The following ELAPOR1 variants were observed in gnomAD, a reference collection of about 807,000 sequenced individuals.
The protein encoded by ELAPOR1 is endosome-lysosome associated apoptosis and autophagy regulator 1, also known as endosome/lysosome-associated apoptosis and autophagy regulator 1.
In ELAPOR1, 77 loss-of-function variants were observed where a neutral mutation model predicts 119.7. The observed-to-expected ratio is 0.64, with a 90% confidence interval of 0.54 to 0.78. ELAPOR1 has a LOEUF of 0.78. Among genes scored for constraint, ELAPOR1 ranks in the 30% least tolerant of loss-of-function variants. The pLI is 0.00. For synonymous variants in ELAPOR1, 481 were observed against 487.2 expected, an observed-to-expected ratio of 0.99 and a Z score of 0.17; for missense variants, 1,115 against 1,270.4, an observed-to-expected ratio of 0.88 and a Z score of 1.86.
chr1:109,120,304 C>T (rs574573446), intron 1 of ELAPOR1, among the ~76,000 whole-genome samples: 17 of 151,950 alleles, frequency 1.1e-4, no homozygotes, highest in Non-Finnish European at 1.6e-4. Flanking sequence ...GGCTGAGACA[C>T]GAGAATTGCT....
At position 109,188,329 on chromosome 1, in the gene ELAPOR1, A is replaced by T. The variant is rs554368651; in HGVS notation, c.1194A>T (p.Pro398=). The T allele has an allele frequency of 3.7e-6, 6 of 1,613,708 alleles. No individual in the cohort carries two copies. In the South Asian group the frequency reaches 6.6e-5, roughly 18 times the overall value. Residue 398 remains proline, a synonymous_variant, in exon 9 of 22, where the codon CCA becomes CCT. Coordinates refer to ENST00000369939, the MANE Select transcript of ELAPOR1 (RefSeq NM_020775.5). ...ACAACAGCACCTGCCAGCCCTGCCC[A>T]TATGGTTCCTACTCCAATGGCTCAG... The part of the protein sequence containing the change: ...KTNNSTCQPC[P]YGSYSNGSDC...
intron 1 of ELAPOR1, among the ~76,000 whole-genome samples, chr1:109,149,928 A>G (rs1021588639): frequency 1.2e-4 from 19 of 152,186 alleles, no homozygotes; most frequent in African/African-American, 4.3e-4. Context: ...TGTGAGGGCT[A>G]AAGGGGAAGA....
At chr1:109,133,319 C>A (rs1472344680) in intron 1 of ELAPOR1, among the ~76,000 whole-genome samples, 4 of 151,292 alleles carry the variant, frequency 2.6e-5, no homozygotes, top group African/African-American at 9.8e-5. Context: ...GGACTGGAAA[C>A]TTGACCCTGA....
chr1:109,122,967 CTT>C (rs1020705473), intron 1 of ELAPOR1, among the ~76,000 whole-genome samples: 1 of 152,094 alleles, frequency 6.6e-6, no homozygotes, highest in Non-Finnish European at 1.5e-5. Context: ...TATTAGTTAG[CTT>C]TTGCTGTATA....
In ELAPOR1 at chr1:109,185,035, G is replaced by A. The variant is rs1652959997; in HGVS notation, c.953-10G>A. The A allele has an allele frequency of 6.2e-7, 1 of 1,610,236 alleles. No individual in the cohort carries two copies. The highest frequency in any genetic ancestry group is 1.3e-5 in the African/African-American group (1 of 74,970). ...AACTCCAAATATTTCTTCTTGCTTT[G>A]GCAATTTAGAGAAAGGATCTTCTTC... On this transcript the variant is annotated splice_polypyrimidine_tract_variant and intron_variant, in intron 7 of 21. Coordinates refer to ENST00000369939, the MANE Select transcript of ELAPOR1 (RefSeq NM_020775.5).
intron 7 of ELAPOR1, among the ~76,000 whole-genome samples, chr1:109,175,502 G>C (rs894066764): frequency 1.6e-4 from 24 of 150,368 alleles, no homozygotes; most frequent in African/African-American, 5.6e-4. Flanking sequence ...CACCCAGTCA[G>C]TGGTGAAATT....
intron 1 of ELAPOR1, among the ~76,000 whole-genome samples, chr1:109,156,560 G>T (rs527966895): frequency 6.6e-6 from 1 of 152,326 alleles, no homozygotes; most frequent in African/African-American, 2.4e-5. Flanking sequence ...TATGTACCTT[G>T]TATAAGTAGA....
chr1:109,141,269 AT>A (rs111230291), intron 1 of ELAPOR1, among the ~76,000 whole-genome samples: 1 of 151,592 alleles, frequency 6.6e-6, no homozygotes. Flanking sequence ...TTATTAATTA[AT>A]TTTTTTTTGA....
chr1:109,195,201 T>C (rs969436110), intron 15 of ELAPOR1, among the ~76,000 whole-genome samples: 8 of 151,930 alleles, frequency 5.3e-5, no homozygotes, highest in African/African-American at 1.9e-4. Context: ...TTTAAAAATA[T>C]GCAGGAGGAA....
chr1:109,176,103 G>T (rs1195798072), intron 7 of ELAPOR1, among the ~76,000 whole-genome samples: 3 of 152,148 alleles, frequency 2.0e-5, no homozygotes, highest in African/African-American at 7.2e-5. Context: ...CTGAGGGAAA[G>T]TAAGGGGACA....
intron 7 of ELAPOR1, among the ~76,000 whole-genome samples, chr1:109,184,094 G>C (rs531452498): frequency 5.3e-5 from 8 of 152,054 alleles, no homozygotes; most frequent in Non-Finnish European, 1.0e-4. Context: ...TAAAGAGGCC[G>C]GGCACGGTGG....
chr1:109,135,303 G>T (rs1345298569), intron 1 of ELAPOR1, among the ~76,000 whole-genome samples: 1 of 152,038 alleles, frequency 6.6e-6, no homozygotes, highest in Non-Finnish European at 1.5e-5. Context: ...GAGTGAAGTT[G>T]CGGGATCTCG....
At position 109,188,123 on chromosome 1, in the gene ELAPOR1, C is replaced by T. The variant is rs1422967956; in HGVS notation, c.1042-54C>T. Reference sequence around the variant, plus strand: ...AGCCCCTATCCTCAAGGTAGAGTCCCAAAGATGTCCTAAATCTCACACAGG... The same window carrying T: ...AGCCCCTATCCTCAAGGTAGAGTCCTAAAGATGTCCTAAATCTCACACAGG... On this transcript the variant is annotated intron_variant, in intron 8 of 21. Transcript: ENST00000369939. The T allele has an allele frequency of 3.9e-6, 6 of 1,551,534 alleles. No homozygotes were observed. In the East Asian group the frequency reaches 1.4e-4, roughly 35 times the overall value.
Position 109,165,309 on chromosome 1 carries a change from G to A in ELAPOR1, c.467+618G>A, listed in dbSNP as rs185546246. ...TCTCATTGAAAAACAAAAACCGGCA[G>A]GGCGCGGTGGCTCACGCCTGTAATC... On this transcript the variant is annotated intron_variant, in intron 3 of 21. Transcript: ENST00000369939. Among the ~76,000 whole-genome samples, 478 of 152,234 alleles carry A rather than the reference G, an allele frequency of 3.1e-3. 3 individuals are homozygous for A. The highest frequency in any genetic ancestry group is 0.011 in the African/African-American group (462 of 41,554).
At chr1:109,190,741 C>T (rs1443003828) in intron 11 of ELAPOR1, among the ~76,000 whole-genome samples, 2 of 152,164 alleles carry the variant, frequency 1.3e-5, no homozygotes, top group East Asian at 3.9e-4. Flanking sequence ...ATCCCCCATC[C>T]CCACTACTAC....
At chr1:109,169,651 A>C (rs1651810251) in intron 3 of ELAPOR1, among the ~76,000 whole-genome samples, 1 of 151,924 alleles carries the variant, frequency 6.6e-6, no homozygotes, top group South Asian at 2.1e-4. Flanking sequence ...CAACTCTTTA[A>C]CCCTGTGACT....
intron 1 of ELAPOR1, among the ~76,000 whole-genome samples, chr1:109,133,426 G>T (rs1371326223): frequency 6.6e-6 from 1 of 152,090 alleles, no homozygotes; most frequent in African/African-American, 2.4e-5. Flanking sequence ...CATTTAGCAG[G>T]CAGGTGCAAC....
chr1:109,171,582 T>C (rs1253883473), intron 3 of ELAPOR1, among the ~76,000 whole-genome samples: 2 of 151,926 alleles, frequency 1.3e-5, no homozygotes, highest in East Asian at 1.9e-4. Context: ...CCTCCCCAAC[T>C]TCACCTGCCA....
chr1:109,133,638 A>G (rs1226681815), intron 1 of ELAPOR1, among the ~76,000 whole-genome samples: 2 of 152,278 alleles, frequency 1.3e-5, no homozygotes, highest in South Asian at 4.1e-4. Context: ...TGTGAAGTAG[A>G]AGTGGAATCT....
Sources: gnomAD v4.1 joint callset for allele counts (sites outside exome capture counted in the v4.1 genomes callset) on GRCh38, gnomAD v4.1.1 for gene constraint, MANE v1.5 for transcripts, NCBI Gene and HGNC (gene_info 2026-07-23, HGNC 2026-07-21) for gene names.